Variants in PLXNA4 observed in about 807,000 individuals in gnomAD.
The protein encoded by PLXNA4 is plexin-A4.
PLXNA4 carries 44 observed loss-of-function variants against 191.8 expected under a neutral mutation model. The observed-to-expected ratio is 0.23, with a 90% CI of 0.18 to 0.29. The LOEUF (loss-of-function observed/expected upper bound fraction) is 0.29. Among genes scored for constraint, PLXNA4 ranks in the 10% least tolerant of loss-of-function variants. The pLI is 1.00. For missense variants in PLXNA4, 1,800 were observed against 2,488.8 expected (o/e 0.72, Z 5.89); for synonymous variants, 1,082 against 1,009.5 (o/e 1.07, Z -1.36).
At position 132,289,694 on chromosome 7, in the gene PLXNA4, G is replaced by T. The variant is rs530464875; in HGVS notation, c.1503+8397C>A. ...ACTACAGGTGCACACCACCACACCT[G>T]GATAATTTTTAAATTTTTTGTAGAG... is the stretch of plus-strand genomic sequence containing the variant. On this transcript the variant is annotated intron_variant, in intron 4 of 31. Coordinates refer to ENST00000321063, the MANE Select transcript of PLXNA4 (RefSeq NM_020911.2). Among the ~76,000 whole-genome samples, 155 of 151,940 alleles carry T rather than the reference G, an allele frequency of 1.0e-3. No individual in the cohort carries two copies. The Middle Eastern group carries it at 0.014, about 13-fold the overall frequency.
rs138824648 is a variant in PLXNA4, at chr7:132,443,308, G to A, written c.1371+45984C>T. On this transcript the variant is annotated intron_variant, in intron 3 of 31. Transcript: ENST00000321063. ...CCGTCCTCTGTGGGGGAACTTTCCC[G>A]GCTTCTGGGCTGTTCTCCATCTGGT... is the stretch of plus-strand genomic sequence containing the variant. Among the ~76,000 whole-genome samples, 220 of 152,268 alleles carry A rather than the reference G, an allele frequency of 1.4e-3. 1 individual carries two copies. The highest frequency in any genetic ancestry group is 5.1e-3 in the African/African-American group (210 of 41,548).
intron 2 of PLXNA4, among the ~76,000 whole-genome samples, chr7:132,639,619 C>T (rs945212783): frequency 1.3e-5 from 2 of 152,206 alleles, no homozygotes; most frequent in African/African-American, 4.8e-5. Flanking sequence ...ACACTGCCGC[C>T]TCCCACCCCT....
intron 1 of PLXNA4, among the ~76,000 whole-genome samples, chr7:132,565,977 G>T (rs1183095692): frequency 6.6e-6 from 1 of 152,118 alleles, no homozygotes; most frequent in Admixed American, 6.5e-5. Flanking sequence ...ACTGCAGTTG[G>T]GTTCGAACTC....
At chr7:132,589,189 G>A (rs1802561401) in intron 2 of PLXNA4, among the ~76,000 whole-genome samples, 1 of 152,144 alleles carries the variant, frequency 6.6e-6, no homozygotes, top group Non-Finnish European at 1.5e-5. Flanking sequence ...CAGGTGAGTA[G>A]GGGACAAAAC....
chr7:132,615,828 C>T (rs1399466666), intron 2 of PLXNA4, among the ~76,000 whole-genome samples: 2 of 152,034 alleles, frequency 1.3e-5, no homozygotes, highest in Non-Finnish European at 2.9e-5. Context: ...TGCATTCATT[C>T]GCTCCTTCTC....
At chr7:132,562,439 TCA>T in intron 1 of PLXNA4, among the ~76,000 whole-genome samples, 1 of 101,694 alleles carries the variant, frequency 9.8e-6, no homozygotes, top group South Asian at 5.5e-4. Flanking sequence ...CTTTTCCTCT[TCA>T]TCCTCCTCCT....
chr7:132,445,083 A>C (rs1225522541), intron 3 of PLXNA4, among the ~76,000 whole-genome samples: 1 of 131,412 alleles, frequency 7.6e-6, no homozygotes, highest in African/African-American at 2.8e-5. Context: ...TGAACCCAGG[A>C]GGCGGAGCTT....
rs1798592882 is a variant in PLXNA4 at position 132,508,827 on chromosome 7, A to C, written c.-86-48T>G. On this transcript the variant is annotated intron_variant, in intron 1 of 31. Coordinates refer to ENST00000321063, the MANE Select transcript of PLXNA4 (RefSeq NM_020911.2). This position sits in a 1 kb window ranked among gnomAD's most constrained non-coding sequence, Gnocchi z 4.4. ...GCTGGATAACAATGCCAGTGGCTTC[A>C]TTTCACCCCACAGCTTGTCTGCCTG... is the stretch of plus-strand genomic sequence containing the variant. 1 of 1,406,878 alleles carries C rather than the reference A, an allele frequency of 7.1e-7. No homozygotes were observed. The highest frequency in any genetic ancestry group is 2.9e-5 in the Admixed American group (1 of 34,648). The allele number at this position is 1,406,878 out of a possible 1,614,324, so 87.1% of individuals were successfully genotyped here.
chr7:132,440,804 A>T (rs1483075051), intron 3 of PLXNA4, among the ~76,000 whole-genome samples: 1 of 152,210 alleles, frequency 6.6e-6, no homozygotes, highest in Non-Finnish European at 1.5e-5. Flanking sequence ...TAAAAATTGC[A>T]TCTGACTCTC....
chr7:132,226,199 G>A lies in PLXNA4; in HGVS notation c.1944C>T (p.Ser648=), dbSNP rs1257751036. Residue 648 remains serine, a synonymous_variant, in exon 8 of 32, where the codon AGC becomes AGT. Transcript: ENST00000321063. ...KSKETGMTFA[S]TSFVFYNCSV... is the part of the protein sequence containing the mutation. ...TGCAATTGTAGAAGACAAAGCTGGTGCTGGCGAAGGTCATGCCGGTCTCCT... is the reference window on the plus strand; with the variant it reads ...TGCAATTGTAGAAGACAAAGCTGGTACTGGCGAAGGTCATGCCGGTCTCCT... 3 of 1,614,044 alleles carry A rather than the reference G, an allele frequency of 1.9e-6. No individual in the cohort carries two copies. Among genetic ancestry groups the A allele is most frequent in the Non-Finnish European group, 2.5e-6 (3 of 1,179,990 alleles).
At chr7:132,374,604 G>C (rs956415743) in intron 3 of PLXNA4, among the ~76,000 whole-genome samples, 14 of 152,058 alleles carry the variant, frequency 9.2e-5, no homozygotes, top group Admixed American at 5.9e-4. Flanking sequence ...GCTGGTGTAG[G>C]TTCTGGGCTA....
chr7:132,187,022 A>G (rs1408699211), intron 15 of PLXNA4, among the ~76,000 whole-genome samples: 1 of 152,186 alleles, frequency 6.6e-6, no homozygotes, highest in Non-Finnish European at 1.5e-5. Flanking sequence ...CAGATCCTGA[A>G]TTCTGATTGA....
chr7:132,490,369 G>C (rs947035862), intron 2 of PLXNA4, among the ~76,000 whole-genome samples: 2 of 147,734 alleles, frequency 1.4e-5, no homozygotes, highest in Non-Finnish European at 3.0e-5. Context: ...GAAAAAGTAT[G>C]TTTAACCTTA....
At chr7:132,220,975 G>GCTTA (rs770211497) in intron 9 of PLXNA4, among the ~76,000 whole-genome samples, 35 of 151,568 alleles carry the variant, frequency 2.3e-4, no homozygotes, top group East Asian at 7.8e-4. Context: ...GCCATGCCCA[G>GCTTA]CTTACTTACT....
intron 2 of PLXNA4, among the ~76,000 whole-genome samples, chr7:132,610,135 G>A (rs1803017800): frequency 6.6e-6 from 1 of 152,168 alleles, no homozygotes; most frequent in Admixed American, 6.5e-5. Flanking sequence ...GGGCATTTAT[G>A]GAACACTTCC....
upstream of PLXNA4, among the ~76,000 whole-genome samples, chr7:132,580,121 A>G (rs1802375349): frequency 6.6e-6 from 1 of 152,108 alleles, no homozygotes; most frequent in Admixed American, 6.5e-5. Flanking sequence ...CATCTTATTA[A>G]TGTGCTTTGA....
intron 4 of PLXNA4, among the ~76,000 whole-genome samples, chr7:132,256,386 A>G (rs1799432375): frequency 2.0e-5 from 3 of 152,166 alleles, no homozygotes; most frequent in African/African-American, 7.2e-5. Flanking sequence ...TGCTGGGAAT[A>G]TAGCTTAACC....
At chr7:132,317,466 G>A (rs999284918) in intron 3 of PLXNA4, among the ~76,000 whole-genome samples, 1 of 151,832 alleles carries the variant, frequency 6.6e-6, no homozygotes, top group Non-Finnish European at 1.5e-5. Flanking sequence ...AGTTGAGTTG[G>A]ATTGGGTTGA....
intron 24 of PLXNA4, among the ~76,000 whole-genome samples, chr7:132,160,860 C>G (rs1443307402): frequency 6.6e-6 from 1 of 152,176 alleles, no homozygotes; most frequent in East Asian, 1.9e-4. Flanking sequence ...GGGCACCTGC[C>G]TTTCATTAGC....
Sources: allele counts gnomAD v4.1 joint callset (sites outside exome capture counted in the v4.1 genomes callset), GRCh38; gene constraint gnomAD v4.1.1; non-coding constraint Gnocchi (gnomAD v3.1); transcripts MANE v1.5; gene names NCBI Gene and HGNC (gene_info 2026-07-23, HGNC 2026-07-21).